The following WASF3 variants were observed in gnomAD, a reference collection of about 807,000 sequenced individuals.
The protein encoded by WASF3 is WASP family member 3, also known as actin-binding protein WASF3.
In WASF3, 11 loss-of-function variants were observed where a neutral mutation model predicts 46.6. The observed-to-expected ratio is 0.24, with a 90% CI of 0.15 to 0.39. The LOEUF (loss-of-function observed/expected upper bound fraction) is 0.39, where lower values mean the gene tolerates loss of function less well. Among genes scored for constraint, WASF3 ranks in the 10% least tolerant of loss-of-function variants. The pLI is 1.00. For missense variants in WASF3, 576 were observed against 669.8 expected (o/e 0.86, Z 1.55); for synonymous variants, 242 against 259.7 (o/e 0.93, Z 0.65).
intron 1 of WASF3, among the ~76,000 whole-genome samples, chr13:26,597,236 CA>C (rs1393551919): frequency 6.6e-6 from 1 of 152,158 alleles, no homozygotes; most frequent in Non-Finnish European, 1.5e-5. Flanking sequence ...GGCTTTAAGC[CA>C]TTCTTATGCC....
chr13:26,644,760 G>T (rs1038576035), intron 3 of WASF3, among the ~76,000 whole-genome samples: 1 of 152,222 alleles, frequency 6.6e-6, no homozygotes, highest in African/African-American at 2.4e-5. Context: ...AGGCAGAGTT[G>T]TGGAGGGGGC....
chr13:26,653,695 C>T (rs1236203071), intron 3 of WASF3, among the ~76,000 whole-genome samples: 1 of 152,196 alleles, frequency 6.6e-6, no homozygotes, highest in African/African-American at 2.4e-5. Context: ...CTCTTCTCTG[C>T]CTGTTCTCAT....
At chr13:26,587,792 G>T (rs967151321) in intron 1 of WASF3, among the ~76,000 whole-genome samples, 6 of 152,108 alleles carry the variant, frequency 3.9e-5, no homozygotes, top group Non-Finnish European at 7.3e-5. Flanking sequence ...GGAAAATAAT[G>T]GAACAAATGA....
intron 1 of WASF3, among the ~76,000 whole-genome samples, chr13:26,572,482 C>T (rs1009350091): frequency 7.9e-5 from 12 of 152,038 alleles, no homozygotes; most frequent in Non-Finnish European, 1.5e-4. Context: ...CCTGTGGAGG[C>T]AATTATATGA....
upstream of WASF3, among the ~76,000 whole-genome samples, chr13:26,553,265 T>C (rs796136979): frequency 6.6e-6 from 1 of 152,280 alleles, no homozygotes; most frequent in African/African-American, 2.4e-5. Context: ...CTAGATTTTA[T>C]TTTACTGTAC....
rs1448366887 is a variant in WASF3 at position 26,676,471 on chromosome 13, G to A, written c.541-78G>A. 6.7e-6 allele frequency: 10 copies of A among 1,495,844 alleles called. No homozygotes were observed. The East Asian group carries it at 2.3e-4, about 34-fold the overall frequency. The allele number at this position is 1,495,844 out of a possible 1,614,324, so 92.7% of individuals were successfully genotyped here. ...TCTGTTCATCAGGCATGGGCCTTGT[G>A]CATTATAACTGCATTTAACCAGCTG... On this transcript the variant is annotated intron_variant, in intron 6 of 9. Coordinates refer to ENST00000335327, the MANE Select transcript of WASF3 (RefSeq NM_006646.6).
At chr13:26,646,698 T>C (rs1882160277) in intron 3 of WASF3, among the ~76,000 whole-genome samples, 1 of 152,118 alleles carries the variant, frequency 6.6e-6, no homozygotes, top group Non-Finnish European at 1.5e-5. Context: ...AACTTAGGGA[T>C]TTGCCTTGAG....
chr13:26,566,174 C>G (rs1028019654), intron 1 of WASF3, among the ~76,000 whole-genome samples: 5 of 152,086 alleles, frequency 3.3e-5, no homozygotes, highest in African/African-American at 1.2e-4. Flanking sequence ...AGCATTTTTT[C>G]TCTTTTTGAA....
chr13:26,601,733 CAAAG>C lies in WASF3; in HGVS notation c.-108-11226_-108-11223del, dbSNP rs543560488. ...CATAATTATCTTTATTTGTAGAAAACAAAGAGGTGCTGGTTCAGGGATATGTGAT... is the reference window on the plus strand; with the variant it reads ...CATAATTATCTTTATTTGTAGAAAACAGGTGCTGGTTCAGGGATATGTGAT... On this transcript the variant is annotated intron_variant, in intron 1 of 9. Coordinates refer to ENST00000335327, the MANE Select transcript of WASF3 (RefSeq NM_006646.6). Among the ~76,000 whole-genome samples the C allele has an allele frequency of 1.9e-4, 29 of 152,262 alleles. No homozygotes were observed. The East Asian group carries it at 5.2e-3, about 27-fold the overall frequency.
At chr13:26,587,175 CTT>C (rs369210650) in intron 1 of WASF3, among the ~76,000 whole-genome samples, 1 of 117,646 alleles carries the variant, frequency 8.5e-6, no homozygotes, top group Admixed American at 8.4e-5. Context: ...ATTTTTTTTG[CTT>C]TTTTTTTTTG....
intron 2 of WASF3, among the ~76,000 whole-genome samples, chr13:26,635,806 G>GT (rs1354869344): frequency 1.6e-4 from 24 of 152,328 alleles, no homozygotes; most frequent in African/African-American, 5.8e-4. Flanking sequence ...GTTTGCCTAG[G>GT]TATCACCAGC....
intron 3 of WASF3, among the ~76,000 whole-genome samples, chr13:26,650,125 T>A (rs1392944434): frequency 6.6e-6 from 1 of 152,110 alleles, no homozygotes; most frequent in Non-Finnish European, 1.5e-5. Flanking sequence ...CAAAAGAAAT[T>A]ATTTCAACAG....
At chr13:26,553,743 G>C (rs932389302), upstream of WASF3, among the ~76,000 whole-genome samples, 1 of 151,636 alleles carries the variant, frequency 6.6e-6, no homozygotes, top group Non-Finnish European at 1.5e-5. Flanking sequence ...TGTGAACCCA[G>C]GAGGCGGAGC....
In WASF3 at chr13:26,577,175, T is replaced by C. The variant is rs1388907497; in HGVS notation, c.-109+19356T>C. Reference sequence around the variant, plus strand: ...GAAGATGTTCAGGGCAAAAACTTCCTAACTTCCTTGGCATGGATCTTACCT... The same window carrying C: ...GAAGATGTTCAGGGCAAAAACTTCCCAACTTCCTTGGCATGGATCTTACCT... On this transcript the variant is annotated intron_variant, in intron 1 of 9. Coordinates refer to ENST00000335327, the MANE Select transcript of WASF3 (RefSeq NM_006646.6). 4 of 756,220 alleles carry C rather than the reference T, an allele frequency of 5.3e-6. No homozygotes were observed. The Admixed American group carries it at 6.9e-5, about 13-fold the overall frequency. The allele number at this position is 756,220 out of a possible 1,614,324, so 46.8% of individuals were successfully genotyped here. A position where few individuals can be genotyped will look rare whatever the true frequency, so the allele number is the denominator to read the frequency against.
intron 2 of WASF3, among the ~76,000 whole-genome samples, chr13:26,623,422 C>G (rs1167331048): frequency 6.6e-6 from 1 of 152,186 alleles, no homozygotes; most frequent in African/African-American, 2.4e-5. Flanking sequence ...CAGCAAAGAT[C>G]TATTTCTGGC....
At chr13:26,598,286 A>G (rs1164381125) in intron 1 of WASF3, among the ~76,000 whole-genome samples, 1 of 152,072 alleles carries the variant, frequency 6.6e-6, no homozygotes, top group Non-Finnish European at 1.5e-5. Context: ...GTCTGTTCAT[A>G]TCCTTTGCCC....
chr13:26,582,972 A>C (rs750455558), intron 1 of WASF3, among the ~76,000 whole-genome samples: 6 of 152,194 alleles, frequency 3.9e-5, no homozygotes, highest in Non-Finnish European at 7.3e-5. Context: ...ATAATTAGTC[A>C]ATAAGAAAGA....
chr13:26,663,040 T>C (rs1372645931), intron 3 of WASF3, among the ~76,000 whole-genome samples: 1 of 152,118 alleles, frequency 6.6e-6, no homozygotes, highest in Non-Finnish European at 1.5e-5. Flanking sequence ...TAAAAGCTAT[T>C]GATGTAATTC....
intron 1 of WASF3, among the ~76,000 whole-genome samples, chr13:26,572,970 G>T (rs1350802866): frequency 2.0e-5 from 3 of 152,116 alleles, no homozygotes; most frequent in Non-Finnish European, 2.9e-5. Flanking sequence ...TCACAGTCAG[G>T]TTCAGTTATT....
Sources: allele counts gnomAD v4.1 joint callset (sites outside exome capture counted in the v4.1 genomes callset), GRCh38; gene constraint gnomAD v4.1.1; transcripts MANE v1.5; gene names NCBI Gene and HGNC (gene_info 2026-07-23, HGNC 2026-07-21).